AVL9: variants seen among roughly 807,000 people sequenced by gnomAD.
AVL9 encodes late secretory pathway protein AVL9 homolog.
AVL9 carries 49 observed loss-of-function variants against 79.2 expected under a neutral mutation model. That is an observed-to-expected ratio of 0.62 (90% CI 0.49 to 0.79). The LOEUF (loss-of-function observed/expected upper bound fraction) is 0.79, where lower values mean the gene tolerates loss of function less well. AVL9 is among the 30% of genes least tolerant of loss of function. The pLI, the probability that AVL9 is intolerant of heterozygous loss-of-function variation, is 0.00. For synonymous variants in AVL9, 299 were observed against 280.6 expected (o/e 1.07, Z -0.65); for missense variants, 682 against 776.8 (o/e 0.88, Z 1.45).
At chr7:32,500,259 T>C (rs933402186) in intron 1 of AVL9, among the ~76,000 whole-genome samples, 1 of 152,202 alleles carries the variant, frequency 6.6e-6, no homozygotes, top group Admixed American at 6.5e-5. Context: ...ATCTGTTGTT[T>C]CCTGACATTT....
intron 8 of AVL9, among the ~76,000 whole-genome samples, chr7:32,555,491 G>T (rs1482637432): frequency 2.0e-5 from 3 of 152,204 alleles, no homozygotes; most frequent in African/African-American, 4.8e-5. Flanking sequence ...AAAGGGATGG[G>T]TTTGCCATGA....
chr7:32,503,560 G>GGAA (rs576348091), intron 1 of AVL9, among the ~76,000 whole-genome samples: 17 of 123,884 alleles, frequency 1.4e-4, no homozygotes, highest in African/African-American at 5.2e-4. Flanking sequence ...CGTCTCAAGG[G>GGAA]AAAAAAAAAA....
chr7:32,571,712 G>C (rs1790853326), intron 11 of AVL9, among the ~76,000 whole-genome samples: 1 of 150,994 alleles, frequency 6.6e-6, no homozygotes, highest in Non-Finnish European at 1.5e-5. Context: ...GGAGGATACA[G>C]ATGGGAGGAC....
At chr7:32,562,696 G>A in intron 10 of AVL9, 2 of 799,888 alleles carry the variant, frequency 2.5e-6, no homozygotes. Flanking sequence ...GAGGTGGGGA[G>A]GATTGCTTGA....
chr7:32,515,390 A>T (rs1474469582), intron 1 of AVL9, among the ~76,000 whole-genome samples: 12 of 152,220 alleles, frequency 7.9e-5, no homozygotes, highest in African/African-American at 2.9e-4. Context: ...ATTGGCTGAG[A>T]GCTGGGAGCC....
At chr7:32,518,004 T>C (rs1307210912) in intron 1 of AVL9, among the ~76,000 whole-genome samples, 3 of 152,086 alleles carry the variant, frequency 2.0e-5, no homozygotes, top group African/African-American at 7.2e-5. Flanking sequence ...CTAATTTTTT[T>C]ATTTTTAGTG....
At chr7:32,566,877 C>T (rs1012779403) in intron 10 of AVL9, among the ~76,000 whole-genome samples, 8 of 152,072 alleles carry the variant, frequency 5.3e-5, no homozygotes, top group Admixed American at 2.0e-4. Flanking sequence ...AGCCAGACTC[C>T]GTCTCAAAAA....
At chr7:32,501,666 G>A (rs1787134528) in intron 1 of AVL9, among the ~76,000 whole-genome samples, 1 of 152,218 alleles carries the variant, frequency 6.6e-6, no homozygotes, top group Non-Finnish European at 1.5e-5. Flanking sequence ...GAAATATCAG[G>A]AAGATTCCTT....
At chr7:32,502,281 G>T (rs536368579) in intron 1 of AVL9, among the ~76,000 whole-genome samples, 384 of 149,486 alleles carry the variant, frequency 2.6e-3, no homozygotes, top group Middle Eastern at 0.011. Context: ...GAGTGCACTG[G>T]TCACAAAAAA....
chr7:32,567,790 C>T (rs1235231858), intron 10 of AVL9, among the ~76,000 whole-genome samples: 1 of 152,032 alleles, frequency 6.6e-6, no homozygotes, highest in East Asian at 1.9e-4. Context: ...TCTCAGCTCA[C>T]TGCAACCTCC....
intron 5 of AVL9, 91 bp from the exon 6 acceptor site, chr7:32,552,138 A>G (rs1185917098): frequency 2.0e-5 from 16 of 803,432 alleles, no homozygotes; most frequent in South Asian, 6.2e-5. Context: ...AACTACCTCA[A>G]TTAAGGAATC....
chr7:32,506,150 A>T, intron 1 of AVL9, among the ~76,000 whole-genome samples: 1 of 152,276 alleles, frequency 6.6e-6, no homozygotes, highest in South Asian at 2.1e-4. Flanking sequence ...TTAACAAAAA[A>T]ATTTTTTTAA....
intron 1 of AVL9, among the ~76,000 whole-genome samples, chr7:32,521,832 G>A (rs1244142310): frequency 6.6e-6 from 1 of 152,170 alleles, no homozygotes; most frequent in African/African-American, 2.4e-5. Context: ...GCCTGGTCCA[G>A]GGTCCCCTTG....
chr7:32,502,063 T>TAAAA (rs34438459), intron 1 of AVL9, among the ~76,000 whole-genome samples: 84 of 150,050 alleles, frequency 5.6e-4, no homozygotes, highest in East Asian at 9.7e-4. Context: ...ACATTTATGA[T>TAAAA]AAAAAAAAAA....
chr7:32,514,293 C>T (rs975460103), intron 1 of AVL9, among the ~76,000 whole-genome samples: 1 of 152,202 alleles, frequency 6.6e-6, no homozygotes, highest in Admixed American at 6.5e-5. Context: ...GGGGTCCCTG[C>T]GGCCTTCCAC....
At chr7:32,580,030 G>A (rs1294191563) in intron 13 of AVL9, among the ~76,000 whole-genome samples, 189 bp from the exon 14 acceptor site, 1 of 152,110 alleles carries the variant, frequency 6.6e-6, no homozygotes, top group Non-Finnish European at 1.5e-5. Context: ...GAGGGGTTAA[G>A]TAATCTTTTC....
intron 12 of AVL9, 69 bp downstream of exon 12, chr7:32,573,487 A>G (rs1790952755): frequency 2.9e-6 from 4 of 1,381,626 alleles, no homozygotes; most frequent in Middle Eastern, 2.4e-4. Flanking sequence ...CATTTATGAG[A>G]TTTTGGATTG....
chr7:32,495,943 T>C, intron 1 of AVL9, 141 bp downstream of exon 1: 1 of 476,962 alleles, frequency 2.1e-6, no homozygotes, highest in Non-Finnish European at 3.5e-6. Flanking sequence ...TCAACCTGAC[T>C]CCTTTTGCAG....
intron 1 of AVL9, among the ~76,000 whole-genome samples, chr7:32,505,850 T>A (rs1399699909): frequency 2.6e-5 from 4 of 152,172 alleles, no homozygotes; most frequent in African/African-American, 9.6e-5. Flanking sequence ...CTACTTAATA[T>A]AGGAACCCAG....
Sources: gnomAD v4.1 joint callset for allele counts (sites outside exome capture counted in the v4.1 genomes callset) on GRCh38, gnomAD v4.1.1 for gene constraint, MANE v1.5 for transcripts, NCBI Gene and HGNC (gene_info 2026-07-23, HGNC 2026-07-21) for gene names.